The following RTN2 variants were observed in gnomAD, a reference collection of about 807,000 sequenced individuals.
RTN2 encodes reticulon 2.
In RTN2, 36 loss-of-function variants were observed where a neutral mutation model predicts 63.7. That is an observed-to-expected ratio of 0.56 (90% CI 0.43 to 0.75). The LOEUF (loss-of-function observed/expected upper bound fraction) is 0.75. Among genes scored for constraint, RTN2 ranks in the 30% least tolerant of loss-of-function variants. RTN2 has a pLI of 0.00. For missense variants in RTN2, 673 were observed against 705.1 expected (o/e 0.95, Z 0.52); for synonymous variants, 312 against 313.0 (o/e 1.00, Z 0.03).
Position 45,494,725 on chromosome 19 carries a change from C to A in RTN2, c.360G>T (p.Glu120Asp), listed in dbSNP as rs142118512. 1.3e-5 allele frequency: 21 copies of A among 1,612,494 alleles called. No individual in the cohort carries two copies. The highest frequency in any genetic ancestry group is 1.7e-5 in the Non-Finnish European group (20 of 1,179,998). The change falls in exon 3 of 11, where the codon GAG becomes GAT. Residue 120 changes from glutamate (E) to aspartate (D), a missense_variant. Transcript: ENST00000245923. The surrounding 1 kb of genome is among the most constrained non-coding windows in gnomAD (Gnocchi z 5.3). ...TGTCAGGATCACCCCGTCGTCCAGG[C>A]TCCGGGGATTGGCTCAGGCTGGGGA... ...ESIPSLSQSPEPGRRGDPDTA... is the reference protein window; with the variant it reads ...ESIPSLSQSPDPGRRGDPDTA...
chr19:45,492,028 A>G (rs1031173413), intron 5 of RTN2, among the ~76,000 whole-genome samples: 1 of 152,178 alleles, frequency 6.6e-6, no homozygotes, highest in African/African-American at 2.4e-5. Flanking sequence ...ATCTTTTCCC[A>G]GCATCCTGCC....
chr19:45,492,376 C>G (rs1568624310), intron 5 of RTN2, among the ~76,000 whole-genome samples: 1 of 151,856 alleles, frequency 6.6e-6, no homozygotes, highest in Non-Finnish European at 1.5e-5. Context: ...TCTCTACAAA[C>G]AAAATAAGAA....
chr19:45,489,145 G>GTCAGGA (rs1968095383), intron 6 of RTN2, 159 bp from the exon 7 acceptor site: 2 of 911,838 alleles, frequency 2.2e-6, no homozygotes, highest in East Asian at 5.3e-5. Flanking sequence ...TGGGGTCAGG[G>GTCAGGA]TCAGGGTCAG....
Position 45,489,363 on chromosome 19 carries a change from A to G in RTN2, c.1224T>C (p.Asp408=). 6.4e-7 allele frequency: 1 copy of G among 1,569,310 alleles called. No individual in the cohort carries two copies. The highest frequency in any genetic ancestry group is 8.6e-7 in the Non-Finnish European group (1 of 1,157,548). The change falls in exon 6 of 11, where the codon GAT becomes GAC. Residue 408 remains aspartate (D), a synonymous_variant. Transcript: ENST00000245923. The stretch of plus-strand genomic sequence containing the variant: ...GTTCTCACTGGAAAGGGTTGGCTCC[A>G]TCCCCCCGGTGCACGGCCTGCAGCA... ...RKVLQAVHRG[D]GANPFQAYLD... is the part of the protein sequence containing the mutation.
In RTN2 at chr19:45,496,775, A is replaced by G; in HGVS notation, c.34+17T>C. 2 of 1,500,984 alleles carry G rather than the reference A, an allele frequency of 1.3e-6. No homozygotes were observed. Among genetic ancestry groups the G allele is most frequent in the South Asian group, 1.3e-5 (1 of 78,558 alleles). The allele number at this position is 1,500,984 out of a possible 1,614,324, so 93.0% of individuals were successfully genotyped here. A position where few individuals can be genotyped will look rare whatever the true frequency, so the allele number is the denominator to read the frequency against. ...ACCTCTGGGGCCCACACCAGGCCCC[A>G]GTCTTCCTCTACTCACTGCAGTGGG... On this transcript the variant is annotated intron_variant, in intron 1 of 10. Coordinates refer to ENST00000245923, the MANE Select transcript of RTN2 (RefSeq NM_005619.5).
At chr19:45,491,604 T>C (rs1968162727) in intron 5 of RTN2, among the ~76,000 whole-genome samples, 1 of 150,070 alleles carries the variant, frequency 6.7e-6, no homozygotes, top group Non-Finnish European at 1.5e-5. Flanking sequence ...CGATCTCAGC[T>C]CACTGCAAGC....
At chr19:45,496,747 T>C (rs1968280357) in intron 1 of RTN2, 45 bp downstream of exon 1, 2 of 1,391,372 alleles carry the variant, frequency 1.4e-6, no homozygotes, top group South Asian at 1.5e-5. Context: ...GTACCCCACC[T>C]GAACCTCTGG....
At chr19:45,488,755 A>G (rs781564600) in intron 7 of RTN2, 49 bp from the exon 8 acceptor site, 1 of 1,603,304 alleles carries the variant, frequency 6.2e-7, no homozygotes, top group Admixed American at 1.7e-5. Context: ...ATTCCCTCTC[A>G]TGCTGTGAAT....
At chr19:45,485,884 G>A in intron 10 of RTN2, 95 bp from the exon 11 acceptor site, 5 of 1,241,954 alleles carry the variant, frequency 4.0e-6, no homozygotes, top group Non-Finnish European at 3.5e-6. Context: ...AACTGACCAA[G>A]AGCCCGAAGC....
chr19:45,489,650 C>A, intron 5 of RTN2, 97 bp from the exon 6 acceptor site: 1 of 764,804 alleles, frequency 1.3e-6, no homozygotes, highest in Non-Finnish European at 2.1e-6. Context: ...CTTCTCGACA[C>A]ACCTGTTTGA....
At chr19:45,488,279 C>A (rs1047550608) in intron 9 of RTN2, among the ~76,000 whole-genome samples, 192 bp downstream of exon 9, 28 of 152,168 alleles carry the variant, frequency 1.8e-4, no homozygotes, top group African/African-American at 6.8e-4. Context: ...AAAACAAAAA[C>A]AAACAAAAAG....
In RTN2 at chr19:45,485,473, G is replaced by T; in HGVS notation, c.*235C>A. 1 of 559,890 alleles carries T rather than the reference G, an allele frequency of 1.8e-6. No homozygotes were observed. Among genetic ancestry groups the T allele is most frequent in the East Asian group, 2.9e-5 (1 of 34,018 alleles). The allele number at this position is 559,890 out of a possible 1,614,324, so 34.7% of individuals were successfully genotyped here. A position where few individuals can be genotyped will look rare whatever the true frequency, so the allele number is the denominator to read the frequency against. On this transcript the variant is annotated 3_prime_UTR_variant, in exon 11 of 11. Transcript: ENST00000245923. ...GTCTAGGCAACTACAAGTCCCAGCA[G>T]GCCCCGCGGCCAAGGTGCCTCGTCT...
At chr19:45,488,597 T>C in intron 8 of RTN2, 40 bp downstream of exon 8, 1 of 1,613,574 alleles carries the variant, frequency 6.2e-7, no homozygotes, top group Non-Finnish European at 8.5e-7. Flanking sequence ...CCCACCAGAC[T>C]CCAAGTCCCC....
At position 45,494,964 on chromosome 19, in the gene RTN2, G is replaced by A. The variant is rs775726809; in HGVS notation, c.121C>T (p.Arg41Trp). Residue 41 changes from arginine to tryptophan, a missense_variant, in exon 3 of 11, where the codon CGG becomes TGG. Arg to Trp is a moderately radical substitution (Grantham distance 101). Coordinates refer to ENST00000245923, the MANE Select transcript of RTN2 (RefSeq NM_005619.5). This position sits in a 1 kb window ranked among gnomAD's most constrained non-coding sequence, Gnocchi z 5.3. ...DSDFRELHTAREFSEEDEEET... is the reference protein window; with the variant it reads ...DSDFRELHTAWEFSEEDEEET... The stretch of plus-strand genomic sequence containing the variant: ...TCCTCGTCCTCCTCTGAGAATTCCC[G>A]GGCTGTGTGCAGCTCTCGAAAATCA... 7 of 1,613,778 alleles carry A rather than the reference G, an allele frequency of 4.3e-6. No individual in the cohort carries two copies. The highest frequency in any genetic ancestry group is 4.5e-5 in the East Asian group (2 of 44,874).
At position 45,496,833 on chromosome 19, in the gene RTN2, C is replaced by T. The variant is rs1429767019; in HGVS notation, c.-8G>A. ...CGGCAGGACCTGCCCCATGGCCCCC[C>T]TCGGGCCTGCATCGGGACCCCCGCC... On this transcript the variant is annotated 5_prime_UTR_variant, in exon 1 of 11. Transcript: ENST00000245923. The T allele has an allele frequency of 2.7e-6, 4 of 1,495,180 alleles. No homozygotes were observed. The highest frequency in any genetic ancestry group is 3.6e-6 in the Non-Finnish European group (4 of 1,114,326). 92.6% of individuals were successfully genotyped at this position (1,495,180 alleles called of 1,614,324 possible). A position where few individuals can be genotyped will look rare whatever the true frequency, so the allele number is the denominator to read the frequency against.
intron 5 of RTN2, among the ~76,000 whole-genome samples, chr19:45,490,608 G>A (rs58197231): frequency 0.15 from 22,820 of 148,296 alleles, 1,803 homozygotes; most frequent in South Asian, 0.23. Context: ...ACGGATTCTC[G>A]CTCTATTGCC....
chr19:45,485,773 G>A lies in RTN2; in HGVS notation c.1573C>T (p.Pro525Ser), dbSNP rs1968007375. 2 of 1,613,876 alleles carry A rather than the reference G, an allele frequency of 1.2e-6. No homozygotes were observed. Among genetic ancestry groups the A allele is most frequent in the African/African-American group, 2.7e-5 (2 of 74,900 alleles). ...GCAGAGGCCAGGGCTCCGGTCCCTGGGATTTTAGCTCGGATCCTGAAGGAG... is the reference window on the plus strand; with the variant it reads ...GCAGAGGCCAGGGCTCCGGTCCCTGAGATTTTAGCTCGGATCCTGAAGGAG... Reference protein sequence around the residue: ...HIKAKIRAKIPGTGALASAAA... With the variant: ...HIKAKIRAKISGTGALASAAA... The change falls in exon 11 of 11, where the codon CCA (proline) becomes TCA (serine). Residue 525 changes from proline (P) to serine (S), a missense_variant. Transcript: ENST00000245923.
chr19:45,491,192 A>ATT (rs540698296), intron 5 of RTN2, among the ~76,000 whole-genome samples: 15 of 141,298 alleles, frequency 1.1e-4, no homozygotes, highest in East Asian at 6.2e-4. Flanking sequence ...GCCCGGCCAC[A>ATT]TTTTTTTTTT....
intron 5 of RTN2, among the ~76,000 whole-genome samples, chr19:45,490,535 CTGTGTGTGTGTGTGTG>C (rs56279132): frequency 2.5e-4 from 37 of 145,850 alleles, no homozygotes; most frequent in East Asian, 4.0e-4. Flanking sequence ...GGTTGTGTGT[CTGTGTGTGTGTGTGTG>C]TGTGTGTGTG....
Sources: allele counts gnomAD v4.1 joint callset (sites outside exome capture counted in the v4.1 genomes callset), GRCh38; gene constraint gnomAD v4.1.1; non-coding constraint Gnocchi (gnomAD v3.1); transcripts MANE v1.5; gene names NCBI Gene and HGNC (gene_info 2026-07-23, HGNC 2026-07-21).